ZNF713: variants seen among roughly 807,000 people sequenced by gnomAD.
ZNF713 encodes the protein zinc finger protein 713.
ZNF713 carries 21 observed loss-of-function variants against 28.7 expected under a neutral mutation model. The ratio of observed to expected loss-of-function variants is 0.73; its 90% CI spans 0.52 to 1.05. ZNF713 has a LOEUF of 1.05. ZNF713 is among the 50% of genes least tolerant of loss of function. The pLI, the probability that ZNF713 is intolerant of heterozygous loss-of-function variation, is 0.00. For missense variants in ZNF713, 458 were observed against 532.4 expected, an observed-to-expected ratio of 0.86 and a Z score of 1.37; for synonymous variants, 167 against 178.0, an observed-to-expected ratio of 0.94 and a Z score of 0.49.
chr7:55,904,129 T>G, intron 1 of ZNF713, among the ~76,000 whole-genome samples: 1 of 71,650 alleles, frequency 1.4e-5, no homozygotes, highest in Admixed American at 1.2e-4. Flanking sequence ...AAAGCAAGAG[T>G]CACCAGTCAC....
chr7:55,908,432 C>T (rs1227523682), intron 2 of ZNF713, among the ~76,000 whole-genome samples: 5 of 152,108 alleles, frequency 3.3e-5, no homozygotes, highest in Admixed American at 2.6e-4. Context: ...TGAGCCACTG[C>T]ACCTGGCCAA....
At chr7:55,891,897 AAAT>A (rs1173089464) in intron 1 of ZNF713, among the ~76,000 whole-genome samples, 5 of 152,214 alleles carry the variant, frequency 3.3e-5, no homozygotes, top group Non-Finnish European at 7.3e-5. Context: ...TAATAGAAAA[AAAT>A]TAAATCATAG....
intron 4 of ZNF713, among the ~76,000 whole-genome samples, chr7:55,919,490 GTTTTTTTTTTTTTTTTTT>G (rs55656709): frequency 3.0e-5 from 2 of 66,772 alleles, no homozygotes; most frequent in Non-Finnish European, 3.1e-5. Context: ...AAACACTCCA[GTTTTTTTTTTTTTTTTTT>G]TTTTTTTTTT....
At chr7:55,936,281 A>AAAG (rs1405805594) in intron 6 of ZNF713, among the ~76,000 whole-genome samples, 4 of 151,136 alleles carry the variant, frequency 2.6e-5, no homozygotes, top group Admixed American at 2.0e-4. Flanking sequence ...AAAAAAAAAA[A>AAAG]TCTGAGAGGG....
Position 55,939,027 on chromosome 7 carries a change from A to G in ZNF713, c.353A>G (p.Asn118Ser), listed in dbSNP as rs762034907. The G allele has an allele frequency of 1.9e-6, 3 of 1,604,038 alleles. No homozygotes were observed. Among genetic ancestry groups the G allele is most frequent in the South Asian group, 2.3e-5 (2 of 88,564 alleles). Residue 118 changes from asparagine to serine, a missense_variant, in exon 7 of 7, where the codon AAT becomes AGT. Transcript: ENST00000429591. The stretch of plus-strand genomic sequence containing the variant: ...ATCAAAAAGTCAACCACAAGCCAGA[A>G]TATTTCTGATGAAAATCAAACCCAT... ...PEIKKSTTSQ[N>S]ISDENQTHEM...
At chr7:55,893,104 T>C (rs1785419113) in intron 1 of ZNF713, among the ~76,000 whole-genome samples, 2 of 151,950 alleles carry the variant, frequency 1.3e-5, no homozygotes, top group East Asian at 2.0e-4. Flanking sequence ...AGGATGGTCT[T>C]GATCTCCTGA....
At chr7:55,936,264 C>A (rs1358161066) in intron 6 of ZNF713, among the ~76,000 whole-genome samples, 90 of 130,646 alleles carry the variant, frequency 6.9e-4, no homozygotes, top group South Asian at 7.5e-4. Flanking sequence ...GACTCTGTCC[C>A]AAAAAAAAAA....
intron 6 of ZNF713, among the ~76,000 whole-genome samples, chr7:55,932,862 G>A: frequency 8.2e-6 from 1 of 122,306 alleles, no homozygotes; most frequent in Non-Finnish European, 1.6e-5. Context: ...CCGCAGTCCG[G>A]CCTGGGCGAC....
chr7:55,898,814 TA>T (rs57985225), intron 1 of ZNF713, among the ~76,000 whole-genome samples: 16 of 150,108 alleles, frequency 1.1e-4, no homozygotes, highest in Non-Finnish European at 1.9e-4. Context: ...CATTTACCTC[TA>T]AAAAAAAAGA....
chr7:55,892,602 G>A (rs1488190191), intron 1 of ZNF713, among the ~76,000 whole-genome samples: 1 of 149,416 alleles, frequency 6.7e-6, no homozygotes. Flanking sequence ...GCTGGGCGCG[G>A]TGGCTCACGC....
Position 55,912,643 on chromosome 7 carries a change from T to C in ZNF713, c.7T>C (p.Ser3Pro). 6.2e-7 allele frequency: 1 copy of C among 1,611,432 alleles called. No homozygotes were observed. The highest frequency in any genetic ancestry group is 8.5e-7 in the Non-Finnish European group (1 of 1,178,604). ...GCTTCTCTTTTTCCTAGTTATGCCT[T>C]CTCAGAATGCTGTTTTTTCTCAGGA... MP[S>P]QNAVFSQEGN... The change falls in exon 4 of 7, where the codon TCT becomes CCT. Residue 3 changes from serine (S) to proline (P), a missense_variant. Coordinates refer to ENST00000429591, the MANE Select transcript of ZNF713 (RefSeq NM_182633.3).
At chr7:55,937,482 C>T (rs1399761651) in intron 6 of ZNF713, among the ~76,000 whole-genome samples, 1 of 152,066 alleles carries the variant, frequency 6.6e-6, no homozygotes, top group South Asian at 2.1e-4. Flanking sequence ...ATGACCCTTT[C>T]TGTAACCCAT....
intron 6 of ZNF713, among the ~76,000 whole-genome samples, chr7:55,932,685 C>T (rs1211673072): frequency 2.0e-5 from 3 of 148,832 alleles, no homozygotes; most frequent in East Asian, 4.0e-4. Context: ...GAGATCGAGA[C>T]CATCCTGGCT....
chr7:55,934,007 A>AT (rs761205876), intron 6 of ZNF713, among the ~76,000 whole-genome samples: 14 of 152,246 alleles, frequency 9.2e-5, no homozygotes, highest in Non-Finnish European at 1.8e-4. Flanking sequence ...ACCGAGCCTA[A>AT]TTTTTTGTTA....
intron 2 of ZNF713, among the ~76,000 whole-genome samples, chr7:55,909,503 A>G (rs1035325517): frequency 3.3e-5 from 5 of 151,994 alleles, no homozygotes; most frequent in Non-Finnish European, 7.4e-5. Context: ...TTTGCTTAGG[A>G]TTGCTTTGGT....
At chr7:55,901,050 A>T (rs1437627133) in intron 1 of ZNF713, among the ~76,000 whole-genome samples, 3 of 152,228 alleles carry the variant, frequency 2.0e-5, no homozygotes, top group African/African-American at 7.2e-5. Flanking sequence ...AAAGTATGTG[A>T]GGTGACAGAT....
chr7:55,929,331 T>C (rs1169438457), intron 6 of ZNF713, among the ~76,000 whole-genome samples: 2 of 152,118 alleles, frequency 1.3e-5, no homozygotes, highest in African/African-American at 2.4e-5. Context: ...CTGAACAGAA[T>C]AGACAAGTCA....
intron 6 of ZNF713, among the ~76,000 whole-genome samples, chr7:55,925,334 T>C (rs1450202480): frequency 6.6e-6 from 1 of 152,180 alleles, no homozygotes; most frequent in Non-Finnish European, 1.5e-5. Flanking sequence ...TAGAAAACCT[T>C]GTTCCTGGCC....
chr7:55,890,415 A>C (rs985604577), intron 1 of ZNF713, among the ~76,000 whole-genome samples: 2 of 147,836 alleles, frequency 1.4e-5, no homozygotes, highest in Non-Finnish European at 3.0e-5. Flanking sequence ...ACGCCATTGC[A>C]CTCCAGTCTG....
Sources: gnomAD v4.1 joint callset for allele counts (sites outside exome capture counted in the v4.1 genomes callset) on GRCh38, gnomAD v4.1.1 for gene constraint, MANE v1.5 for transcripts, NCBI Gene and HGNC (gene_info 2026-07-23, HGNC 2026-07-21) for gene names.